NAE1: variants seen among roughly 807,000 people sequenced by gnomAD.
The protein encoded by NAE1 is NEDD8-activating enzyme E1 regulatory subunit.
Under a neutral mutation model 88.0 loss-of-function variants are expected in NAE1, and 59 were observed. The ratio of observed to expected loss-of-function variants is 0.67; its 90% confidence interval spans 0.54 to 0.83. The LOEUF is 0.83. Among genes scored for constraint, NAE1 ranks in the 40% least tolerant of loss-of-function variants. The pLI is 0.00. For synonymous variants in NAE1, 186 were observed against 208.9 expected, an observed-to-expected ratio of 0.89 and a Z score of 0.95; for missense variants, 554 against 632.8, an observed-to-expected ratio of 0.88 and a Z score of 1.34.
intron 1 of NAE1, chr16:66,828,046 C>T: frequency 6.2e-7 from 1 of 1,613,794 alleles, no homozygotes. Context: ...CCATAAGGGC[C>T]CAGACAGCTG....
At chr16:66,821,125 GTGATCCACA>G (rs776166861) in intron 7 of NAE1, among the ~76,000 whole-genome samples, 18 of 152,184 alleles carry the variant, frequency 1.2e-4, no homozygotes, top group Non-Finnish European at 2.1e-4. Flanking sequence ...ATGGGTCAGA[GTGATCCACA>G]TTCCTTAGCT....
intron 8 of NAE1, among the ~76,000 whole-genome samples, chr16:66,817,970 C>T (rs1480435523): frequency 6.6e-6 from 1 of 151,878 alleles, no homozygotes; most frequent in Non-Finnish European, 1.5e-5. Context: ...TTTTTACTTT[C>T]AATTTTTGTG....
At chr16:66,813,288 G>A (rs1959892786) in intron 13 of NAE1, 10 of 314,904 alleles carry the variant, frequency 3.2e-5, no homozygotes, top group Admixed American at 4.7e-5. Flanking sequence ...GATTAAAGGC[G>A]AACACTACCA....
chr16:66,824,730 C>G, intron 4 of NAE1, 125 bp downstream of exon 4: 1 of 850,056 alleles, frequency 1.2e-6, no homozygotes, highest in Non-Finnish European at 1.8e-6. Flanking sequence ...TACAAGATTA[C>G]AAAAATTAGT....
rs113373485 is a variant in NAE1, at chr16:66,805,652, G to A, written c.1495+125C>T. ...GACTGCGTCTCAAAAAAAAAAAAAAGAAAGAAATATAACATCCTGCTTCAC... is the reference window on the plus strand; with the variant it reads ...GACTGCGTCTCAAAAAAAAAAAAAAAAAAGAAATATAACATCCTGCTTCAC... On this transcript the variant is annotated intron_variant, in intron 19 of 19. Coordinates refer to ENST00000290810, the MANE Select transcript of NAE1 (RefSeq NM_003905.4). 7,142 of 727,330 alleles carry A rather than the reference G, an allele frequency of 9.8e-3. 97 individuals carry two copies. The highest frequency in any genetic ancestry group is 0.079 in the South Asian group (1,224 of 15,526). The allele number at this position is 727,330 out of a possible 1,614,324, so 45.1% of individuals were successfully genotyped here.
At position 66,802,943 on chromosome 16, in the gene NAE1, T is replaced by C; in HGVS notation, c.*66A>G. On this transcript the variant is annotated 3_prime_UTR_variant, in exon 20 of 20. Coordinates refer to ENST00000290810, the MANE Select transcript of NAE1 (RefSeq NM_003905.4). Reference sequence around the variant, plus strand: ...AGCTCTCCTTTAGAATTTTACAGACTAAAGCACAACCCGAAGGCAATTACA... The same window carrying C: ...AGCTCTCCTTTAGAATTTTACAGACCAAAGCACAACCCGAAGGCAATTACA... 1 of 991,636 alleles carries C rather than the reference T, an allele frequency of 1.0e-6. No homozygotes were observed. Among genetic ancestry groups the C allele is most frequent in the East Asian group, 2.4e-5 (1 of 41,702 alleles). The allele number at this position is 991,636 out of a possible 1,614,324, so 61.4% of individuals were successfully genotyped here.
chr16:66,828,770 T>A (rs1444774180), intron 1 of NAE1, among the ~76,000 whole-genome samples: 2 of 151,984 alleles, frequency 1.3e-5, no homozygotes, highest in African/African-American at 2.4e-5. Context: ...GGCAGGAGGA[T>A]CACTTGAGTG....
intron 13 of NAE1, among the ~76,000 whole-genome samples, chr16:66,811,182 G>A (rs138515549): frequency 6.6e-6 from 1 of 152,278 alleles, no homozygotes; most frequent in African/African-American, 2.4e-5. Flanking sequence ...TTTTGAGACA[G>A]GATCTCGCTC....
chr16:66,826,483 C>A (rs1005738116), intron 3 of NAE1, 40 bp downstream of exon 3: 3 of 1,603,374 alleles, frequency 1.9e-6, no homozygotes, highest in African/African-American at 2.7e-5. Context: ...CAGGCCTTGC[C>A]TTCCTTAACG....
At chr16:66,818,061 G>A (rs1249912253) in intron 8 of NAE1, among the ~76,000 whole-genome samples, 1 of 151,798 alleles carries the variant, frequency 6.6e-6, no homozygotes, top group East Asian at 1.9e-4. Flanking sequence ...TGGAGAATGG[G>A]GTATCTGTAT....
At chr16:66,811,196 C>T (rs1959785308) in intron 13 of NAE1, among the ~76,000 whole-genome samples, 1 of 152,168 alleles carries the variant, frequency 6.6e-6, no homozygotes, top group African/African-American at 2.4e-5. Context: ...CTCGCTCTGC[C>T]ACCCAGGCTG....
At chr16:66,822,853 A>G (rs1336591721) in intron 6 of NAE1, among the ~76,000 whole-genome samples, 1 of 149,780 alleles carries the variant, frequency 6.7e-6, no homozygotes, top group Non-Finnish European at 1.5e-5. Context: ...TATTTTTAGT[A>G]GAGATGGGAT....
At chr16:66,822,109 G>A (rs1355123055) in intron 6 of NAE1, among the ~76,000 whole-genome samples, 1 of 152,096 alleles carries the variant, frequency 6.6e-6, no homozygotes, top group Non-Finnish European at 1.5e-5. Flanking sequence ...CAAGTGATCT[G>A]AACCTGTCTC....
chr16:66,828,889 C>A (rs994415710), intron 1 of NAE1, among the ~76,000 whole-genome samples: 1 of 151,254 alleles, frequency 6.6e-6, no homozygotes, highest in Non-Finnish European at 1.5e-5. Flanking sequence ...GCAGGAGGAT[C>A]GTTAGAGCCC....
chr16:66,806,020 G>A lies in NAE1; in HGVS notation c.1337C>T (p.Ser446Phe), dbSNP rs1250820720. ...TATATCTTCTTCAACTTGATAGTTA[G>A]ATACTCCTAAAAATAAAAGTTAGTT... Reference protein sequence around the residue: ...HKQQGRYPGVSNYQVEEDIGK... With the variant: ...HKQQGRYPGVFNYQVEEDIGK... The change falls in exon 18 of 20, where the codon TCT becomes TTT. Residue 446 changes from serine (S) to phenylalanine (F), a missense_variant. Transcript: ENST00000290810. The A allele has an allele frequency of 6.2e-7, 1 of 1,603,504 alleles. No individual in the cohort carries two copies. Among genetic ancestry groups the A allele is most frequent in the African/African-American group, 1.3e-5 (1 of 74,468 alleles).
At chr16:66,810,241 C>T in intron 15 of NAE1, 133 bp downstream of exon 15, 1 of 689,808 alleles carries the variant, frequency 1.4e-6, no homozygotes, top group Non-Finnish European at 2.5e-6. Context: ...AAAACCTTAC[C>T]CAATAATTAT....
chr16:66,809,838 T>G (rs568254359), intron 15 of NAE1, among the ~76,000 whole-genome samples: 3 of 152,254 alleles, frequency 2.0e-5, no homozygotes, highest in East Asian at 1.9e-4. Context: ...TCAGATGGCA[T>G]GCACAACAGA....
intron 7 of NAE1, among the ~76,000 whole-genome samples, chr16:66,819,445 G>A (rs888996039): frequency 5.9e-5 from 9 of 152,202 alleles, no homozygotes; most frequent in Non-Finnish European, 1.3e-4. Context: ...GGTAGGCCCA[G>A]TTCTGTCACT....
At chr16:66,809,764 A>T (rs1452605477) in intron 15 of NAE1, among the ~76,000 whole-genome samples, 1 of 152,186 alleles carries the variant, frequency 6.6e-6, no homozygotes, top group Admixed American at 6.5e-5. Context: ...TATTTTAAGG[A>T]TGGGGAGCAT....
Sources: allele counts gnomAD v4.1 joint callset (sites outside exome capture counted in the v4.1 genomes callset), GRCh38; gene constraint gnomAD v4.1.1; transcripts MANE v1.5; gene names NCBI Gene and HGNC (gene_info 2026-07-23, HGNC 2026-07-21).